The following SETD2 variants were observed in gnomAD, a reference collection of about 807,000 sequenced individuals.
SETD2 encodes the protein histone-lysine N-methyltransferase SETD2.
SETD2 carries 31 observed loss-of-function variants against 242.1 expected under a neutral mutation model. That is an observed-to-expected ratio of 0.13 (90% confidence interval 0.10 to 0.17). The LOEUF is 0.17. Ranked by LOEUF, SETD2 falls within the 10% of genes least tolerant of loss-of-function variation. The pLI is 1.00. For synonymous variants in SETD2, 1,006 were observed against 1,066.5 expected (o/e 0.94, Z 1.11); for missense variants, 2,481 against 3,046.3 (o/e 0.81, Z 4.37).
At chr3:47,164,223 G>T (rs1403969171), upstream of SETD2, among the ~76,000 whole-genome samples, 1 of 152,156 alleles carries the variant, frequency 6.6e-6, no homozygotes, top group Non-Finnish European at 1.5e-5. The surrounding 1 kb of genome is among the most constrained non-coding windows in gnomAD (Gnocchi z 5.4). Context: ...GCCAGTCGGC[G>T]TGCCTTGCAG....
At chr3:47,068,097 T>C (rs953494467) in intron 12 of SETD2, among the ~76,000 whole-genome samples, 1 of 152,224 alleles carries the variant, frequency 6.6e-6, no homozygotes, top group Non-Finnish European at 1.5e-5. Context: ...CGAGTAACTA[T>C]TGGGCACAAT....
chr3:47,099,439 C>A lies in SETD2; in HGVS notation c.5016-1358G>T, dbSNP rs78643066. 6.6e-3 allele frequency among the ~76,000 whole-genome samples: 1,011 copies of A among 152,124 alleles called. 9 individuals carry two copies. The highest frequency in any genetic ancestry group is 0.011 in the Non-Finnish European group (719 of 67,998). On this transcript the variant is annotated intron_variant, in intron 8 of 20. Transcript: ENST00000409792. ...AAAGTATCTTGCATAGGTCACTGGT[C>A]CTAAAGACCCAAAGAAGATAGACTG...
chr3:47,144,754 G>A (rs1231171174), intron 1 of SETD2, among the ~76,000 whole-genome samples: 1 of 152,158 alleles, frequency 6.6e-6, no homozygotes, highest in Non-Finnish European at 1.5e-5. Flanking sequence ...GATCACTTGA[G>A]GCCAGTAGTT....
At chr3:47,103,924 T>C (rs370095858) in intron 6 of SETD2, among the ~76,000 whole-genome samples, 8 of 152,340 alleles carry the variant, frequency 5.3e-5, no homozygotes, top group African/African-American at 1.7e-4. Flanking sequence ...CCTTAGCCAT[T>C]TCTTATATTC....
At chr3:47,162,376 G>C (rs1224302903) in intron 1 of SETD2, among the ~76,000 whole-genome samples, 2 of 152,018 alleles carry the variant, frequency 1.3e-5, no homozygotes, top group African/African-American at 4.8e-5. Flanking sequence ...TTACCTAACT[G>C]ACCCTGCCAG....
intron 1 of SETD2, among the ~76,000 whole-genome samples, chr3:47,156,814 T>TA (rs1172689354): frequency 6.6e-6 from 1 of 152,216 alleles, no homozygotes. Flanking sequence ...GTTGGCTTCC[T>TA]AAGGTATCTC....
rs2106685815 is a variant in SETD2, at chr3:47,122,726, T to C, written c.1910A>G (p.Lys637Arg). The C allele has an allele frequency of 1.2e-6, 2 of 1,611,440 alleles. No individual in the cohort carries two copies. Among genetic ancestry groups the C allele is most frequent in the Non-Finnish European group, 8.5e-7 (1 of 1,179,188 alleles). ...GCTATCATGTGTTATAAATTCGGAC[T>C]TAAAAATAGGCAATTCATCTAGCTT... ...LKKLDELPIFKSEFITHDSHD... is the reference protein window; with the variant it reads ...LKKLDELPIFRSEFITHDSHD... The change falls in exon 3 of 21, where the codon AAG (lysine) becomes AGG (arginine). Residue 637 changes from lysine to arginine, a missense_variant. By Grantham distance (26) the Lys-to-Arg change is conservative. This residue lies in a region of SETD2 where 1,300 missense variants were observed against 1,259.2 expected (regional missense o/e 1.03). Coordinates refer to ENST00000409792, the MANE Select transcript of SETD2 (RefSeq NM_014159.7).
intron 16 of SETD2, among the ~76,000 whole-genome samples, chr3:47,045,168 A>T (rs950620465): frequency 6.6e-6 from 1 of 152,016 alleles, no homozygotes; most frequent in Non-Finnish European, 1.5e-5. Context: ...CGGGCGGATC[A>T]TGAGGTCAGG....
chr3:47,083,998 G>C lies in SETD2; in HGVS notation c.5782C>G (p.Leu1928Val). 1 of 1,614,086 alleles carries C rather than the reference G, an allele frequency of 6.2e-7. No individual in the cohort carries two copies. The highest frequency in any genetic ancestry group is 8.5e-7 in the Non-Finnish European group (1 of 1,180,020). Reference sequence around the variant, plus strand: ...CATTCAGGCAGCTGTTGTGGGAGTAGCTGTTGTGACTGCAATTCTTCCTCT... The same window carrying C: ...CATTCAGGCAGCTGTTGTGGGAGTACCTGTTGTGACTGCAATTCTTCCTCT... The part of the protein sequence containing the change: ...EEEEELQSQQ[L>V]LPQQLPECKV... Residue 1928 changes from leucine to valine, a missense_variant, in exon 12 of 21, where the codon CTA (leucine) becomes GTA (valine). Leu to Val is a conservative substitution (Grantham distance 32, BLOSUM62 1). This residue lies in a region of SETD2 where 203 missense variants were observed against 222.4 expected (regional missense o/e 0.91). Transcript: ENST00000409792.
chr3:47,138,458 GT>G (rs1361333292), intron 1 of SETD2, among the ~76,000 whole-genome samples: 3 of 151,942 alleles, frequency 2.0e-5, no homozygotes, highest in Non-Finnish European at 4.4e-5. Flanking sequence ...TTTCACTCTT[GT>G]TGCCCAGGCT....
rs769835535 is a variant in SETD2, at chr3:47,120,938, G to A, written c.3698C>T (p.Thr1233Ile). ...ACAAGAGGAAGAAAAACTCAATTCTGTTTTTCCCAGTCTACTATCTGGCCT... is the reference window on the plus strand; with the variant it reads ...ACAAGAGGAAGAAAAACTCAATTCTATTTTTCCCAGTCTACTATCTGGCCT... ...QNRPDSRLGK[T>I]ELSFSSSCEI... Residue 1233 changes from threonine to isoleucine, a missense_variant, in exon 3 of 21, where the codon ACA becomes ATA. Physicochemically the swap from Thr to Ile is moderately conservative, Grantham distance 89. This residue lies in a region of SETD2 where 1,300 missense variants were observed against 1,259.2 expected (regional missense o/e 1.03). Coordinates refer to ENST00000409792, the MANE Select transcript of SETD2 (RefSeq NM_014159.7). 15 of 1,614,176 alleles carry A rather than the reference G, an allele frequency of 9.3e-6. No homozygotes were observed. Among genetic ancestry groups the A allele is most frequent in the African/African-American group, 1.3e-5 (1 of 75,048 alleles).
chr3:47,063,295 C>G (rs1314027957), intron 13 of SETD2, among the ~76,000 whole-genome samples: 1 of 151,988 alleles, frequency 6.6e-6, no homozygotes, highest in Non-Finnish European at 1.5e-5. Context: ...TCATCAAAGC[C>G]AGAGAGCTAC....
At chr3:47,111,079 T>TAA (rs10672755) in intron 5 of SETD2, among the ~76,000 whole-genome samples, 15,526 of 78,712 alleles carry the variant, frequency 0.2, 3,287 homozygotes, top group East Asian at 0.3. Flanking sequence ...GTGGTTCCTT[T>TAA]AAAAAAAAAA....
At chr3:47,076,185 T>A (rs913722015) in intron 12 of SETD2, among the ~76,000 whole-genome samples, 2 of 152,090 alleles carry the variant, frequency 1.3e-5, no homozygotes, top group African/African-American at 2.4e-5. Context: ...AGGAAGAAAT[T>A]TAAATGAGAA....
At position 47,031,542 on chromosome 3, in the gene SETD2, T is replaced by C. The variant is rs190166079; in HGVS notation, c.7350+6124A>G. On this transcript the variant is annotated intron_variant, in intron 18 of 20. Coordinates refer to ENST00000409792, the MANE Select transcript of SETD2 (RefSeq NM_014159.7). ...GAAATACTAGAAATGTTAAAGGAAA[T>C]TCTTTAGGCTAAAGGAAAATGATTC... 2.1e-3 allele frequency among the ~76,000 whole-genome samples: 318 copies of C among 152,268 alleles called. 3 individuals are homozygous for C. Among genetic ancestry groups the C allele is most frequent in the African/African-American group, 6.4e-3 (265 of 41,560 alleles).
intron 19 of SETD2, among the ~76,000 whole-genome samples, chr3:47,018,908 G>A (rs1007943079): frequency 2.6e-5 from 4 of 152,324 alleles, no homozygotes; most frequent in African/African-American, 9.6e-5. Context: ...ATCCCCTGCT[G>A]ATCCATCTGG....
chr3:47,137,975 CTT>C (rs1260484933), intron 1 of SETD2, among the ~76,000 whole-genome samples: 1 of 150,930 alleles, frequency 6.6e-6, no homozygotes, highest in African/African-American at 2.4e-5. Flanking sequence ...AGTATTATCA[CTT>C]TCTTTTTTTT....
intron 1 of SETD2, among the ~76,000 whole-genome samples, chr3:47,133,779 GA>G (rs200764021): frequency 6.6e-6 from 1 of 152,026 alleles, no homozygotes; most frequent in East Asian, 1.9e-4. Flanking sequence ...GCCTCAGCTG[GA>G]AAAACATTAC....
At position 47,124,088 on chromosome 3, in the gene SETD2, A is replaced by G. The variant is rs942631934; in HGVS notation, c.548T>C (p.Val183Ala). The change falls in exon 3 of 21, where the codon GTA becomes GCA. Residue 183 changes from valine (V) to alanine (A), a missense_variant. This residue lies in a region of SETD2 where 334 missense variants were observed against 374.5 expected (regional missense o/e 0.89). Coordinates refer to ENST00000409792, the MANE Select transcript of SETD2 (RefSeq NM_014159.7). ...LPAVIAESTTVDSPPSSPPPP... is the reference protein window; with the variant it reads ...LPAVIAESTTADSPPSSPPPP... ...AGGCGGAGATGAGGGCGGTGAGTCT[A>G]CAGTTGTTGATTCTGCTATCACTGC... 1.9e-6 allele frequency: 3 copies of G among 1,551,914 alleles called. No homozygotes were observed. The highest frequency in any genetic ancestry group is 1.4e-5 in the African/African-American group (1 of 73,170).
Sources: allele counts gnomAD v4.1 joint callset (sites outside exome capture counted in the v4.1 genomes callset), GRCh38; gene constraint gnomAD v4.1.1; regional missense constraint gnomAD v4.1.1; non-coding constraint Gnocchi (gnomAD v3.1); transcripts MANE v1.5; gene names NCBI Gene and HGNC (gene_info 2026-07-23, HGNC 2026-07-21).